The following CYP4X1 variants were observed in gnomAD, a reference collection of about 807,000 sequenced individuals.
CYP4X1 encodes cytochrome P450 4X1.
In CYP4X1, 44 loss-of-function variants were observed where a neutral mutation model predicts 57.9. The ratio of observed to expected loss-of-function variants is 0.76; its 90% CI spans 0.60 to 0.98. The LOEUF (loss-of-function observed/expected upper bound fraction) is 0.98. Ranked by LOEUF, CYP4X1 falls within the 50% of genes least tolerant of loss-of-function variation. CYP4X1 has a pLI of 0.00. For synonymous variants in CYP4X1, 227 were observed against 228.6 expected, an observed-to-expected ratio of 0.99 and a Z score of 0.06; for missense variants, 532 against 623.9, an observed-to-expected ratio of 0.85 and a Z score of 1.57.
the CYP4X1 span, among the ~76,000 whole-genome samples, chr1:46,970,858 T>G: frequency 1.1e-4 from 17 of 152,254 alleles, no homozygotes; most frequent in African/African-American, 4.1e-4. Flanking sequence ...ACCCCTGGTG[T>G]GAAGGCACAA....
chr1:47,001,075 C>T, the CYP4X1 span: 2 of 233,386 alleles, frequency 8.6e-6, no homozygotes, highest in African/African-American at 2.3e-5. Context: ...TTTCCCGATG[C>T]AGTTCCTGAG....
At chr1:47,052,922 T>TA (rs1557614374), downstream of CYP4X1, among the ~76,000 whole-genome samples, 2 of 152,140 alleles carry the variant, frequency 1.3e-5, no homozygotes, top group Non-Finnish European at 1.5e-5. Context: ...TTCTTTTTTT[T>TA]ATTTTATTAT....
chr1:46,996,869 C>T, the CYP4X1 span, among the ~76,000 whole-genome samples: 1 of 152,182 alleles, frequency 6.6e-6, no homozygotes, highest in East Asian at 1.9e-4. Context: ...GGTTACATCA[C>T]CATCCTGAAG....
rs149270732 is a variant in CYP4X1, at chr1:47,030,430, G to A, written c.319+299G>A. On this transcript the variant is annotated intron_variant, in intron 2 of 11. Coordinates refer to ENST00000371901, the MANE Select transcript of CYP4X1 (RefSeq NM_178033.2). ...CCTCTGTGGGTTTTATGACTTCAGT[G>A]TCAGCAACACTTCCCACTCCTACCC... Among the ~76,000 whole-genome samples the A allele has an allele frequency of 9.5e-3, 1,450 of 152,144 alleles. 11 individuals carry two copies. Among genetic ancestry groups the A allele is most frequent in the African/African-American group, 0.033 (1,355 of 41,520 alleles).
At chr1:46,994,819 A>G in the CYP4X1 span, among the ~76,000 whole-genome samples, 3 of 152,238 alleles carry the variant, frequency 2.0e-5, no homozygotes, top group Non-Finnish European at 2.9e-5. Context: ...TGGGGGGCAC[A>G]GCTGTATAGA....
the CYP4X1 span, among the ~76,000 whole-genome samples, chr1:46,968,709 G>A: frequency 6.6e-6 from 1 of 152,198 alleles, no homozygotes; most frequent in Non-Finnish European, 1.5e-5. Context: ...GAGTGAGTGA[G>A]TGAAAGGATG....
At chr1:46,995,985 G>C in the CYP4X1 span, among the ~76,000 whole-genome samples, 1 of 152,292 alleles carries the variant, frequency 6.6e-6, no homozygotes, top group African/African-American at 2.4e-5. Flanking sequence ...CATAGTGCCT[G>C]TCTGTGAAAC....
rs55802147 is a variant in CYP4X1 at position 47,025,583 on chromosome 1, T to C, written c.177+1589T>C. Among the ~76,000 whole-genome samples the C allele has an allele frequency of 4.7e-3, 711 of 152,334 alleles. 5 individuals carry two copies. Among genetic ancestry groups the C allele is most frequent in the Non-Finnish European group, 7.5e-3 (507 of 68,034 alleles). ...TTATGCAAATGTTATTTACTGCTGA[T>C]CTAAATGGTCCTCTTTCATTTTATT... On this transcript the variant is annotated intron_variant, in intron 1 of 11. Coordinates refer to ENST00000371901, the MANE Select transcript of CYP4X1 (RefSeq NM_178033.2).
At chr1:46,995,263 C>T in the CYP4X1 span, among the ~76,000 whole-genome samples, 3 of 152,058 alleles carry the variant, frequency 2.0e-5, no homozygotes, top group African/African-American at 7.2e-5. Flanking sequence ...TTTCATTCAG[C>T]AAATGTTTCT....
chr1:46,993,499 A>G, the CYP4X1 span, among the ~76,000 whole-genome samples: 2 of 152,218 alleles, frequency 1.3e-5, no homozygotes, highest in Non-Finnish European at 2.9e-5. Flanking sequence ...ATCCCTGAGG[A>G]ATCACCACAC....
chr1:47,050,414 T>C lies in CYP4X1; in HGVS notation c.*240T>C. 2.7e-6 allele frequency: 1 copy of C among 377,132 alleles called. No homozygotes were observed. 23.4% of individuals were successfully genotyped at this position (377,132 alleles called of 1,614,324 possible). A position where few individuals can be genotyped will look rare whatever the true frequency, so the allele number is the denominator to read the frequency against. ...GTTAAACTTTCACTACTATTAATGC[T>C]GTATACACCAATAGACTTTCATATA... On this transcript the variant is annotated 3_prime_UTR_variant, in exon 12 of 12. Transcript: ENST00000371901.
the CYP4X1 span, among the ~76,000 whole-genome samples, chr1:47,004,189 C>T: frequency 3.6e-3 from 548 of 152,106 alleles, 4 homozygotes; most frequent in African/African-American, 0.013. Context: ...TAACGGGGCT[C>T]TTGAGCCCCT....
At chr1:46,961,544 T>G in the CYP4X1 span, 2 of 1,217,186 alleles carry the variant, frequency 1.6e-6, no homozygotes, top group Non-Finnish European at 2.1e-6. Flanking sequence ...GAGGTGTTCT[T>G]GGGAGAGCTG....
At chr1:47,036,322 A>C in intron 6 of CYP4X1, 151 bp downstream of exon 6, 1 of 871,408 alleles carries the variant, frequency 1.1e-6, no homozygotes, top group South Asian at 4.4e-5. Flanking sequence ...ATTTGACTTG[A>C]GTCCTTTATA....
the CYP4X1 span, among the ~76,000 whole-genome samples, chr1:46,964,121 T>A: frequency 3.3e-5 from 5 of 152,198 alleles, no homozygotes; most frequent in Admixed American, 3.3e-4. Context: ...TTCTCTACAT[T>A]GGTTATTCTA....
At chr1:46,999,097 G>C in the CYP4X1 span, among the ~76,000 whole-genome samples, 1 of 145,838 alleles carries the variant, frequency 6.9e-6, no homozygotes, top group Non-Finnish European at 1.5e-5. Context: ...TAGCTATTTG[G>C]CTTCTTTTTT....
At chr1:47,032,637 C>T (rs2148507721) in intron 3 of CYP4X1, among the ~76,000 whole-genome samples, 1 of 152,244 alleles carries the variant, frequency 6.6e-6, no homozygotes, top group East Asian at 1.9e-4. Context: ...AAGCATTAGC[C>T]TTGGTAAGTA....
intron 8 of CYP4X1, among the ~76,000 whole-genome samples, chr1:47,042,883 G>C (rs1644261644): frequency 6.6e-6 from 1 of 152,144 alleles, no homozygotes; most frequent in Non-Finnish European, 1.5e-5. Flanking sequence ...CTGGTTCCAT[G>C]TCTTTACAAT....
chr1:47,016,002 C>T, the CYP4X1 span, among the ~76,000 whole-genome samples: 1 of 152,122 alleles, frequency 6.6e-6, no homozygotes, highest in Non-Finnish European at 1.5e-5. Flanking sequence ...CCTTCCCACC[C>T]TCTAGCTTCT....
Sources: allele counts gnomAD v4.1 joint callset (sites outside exome capture counted in the v4.1 genomes callset), GRCh38; gene constraint gnomAD v4.1.1; transcripts MANE v1.5; gene names NCBI Gene and HGNC (gene_info 2026-07-23, HGNC 2026-07-21).